The following MTX2 variants were observed in gnomAD, a reference collection of about 807,000 sequenced individuals.
MTX2 encodes metaxin-2.
MTX2 carries 35 observed loss-of-function variants against 42.3 expected under a neutral mutation model. That is an observed-to-expected ratio of 0.83 (90% CI 0.63 to 1.10). The LOEUF is 1.10. MTX2 is among the 50% of genes least tolerant of loss of function. MTX2 has a pLI of 0.00. For synonymous variants in MTX2, 119 were observed against 100.9 expected (o/e 1.18, Z -1.08); for missense variants, 307 against 304.1 (o/e 1.01, Z -0.07).
chr2:176,320,720 G>C (rs1303654358), intron 3 of MTX2, among the ~76,000 whole-genome samples: 1 of 149,302 alleles, frequency 6.7e-6, no homozygotes, highest in African/African-American at 2.5e-5. Flanking sequence ...TTTGAGACAG[G>C]GTCTTGTTGT....
chr2:176,312,863 CAAAAAAA>C (rs557475003), intron 3 of MTX2, among the ~76,000 whole-genome samples: 5 of 56,030 alleles, frequency 8.9e-5, no homozygotes, highest in African/African-American at 1.7e-4. Context: ...AATGCCATCT[CAAAAAAA>C]AAAAAAAAAA....
At chr2:176,319,639 G>A (rs954506479) in intron 3 of MTX2, among the ~76,000 whole-genome samples, 3 of 151,690 alleles carry the variant, frequency 2.0e-5, no homozygotes, top group Non-Finnish European at 4.4e-5. Context: ...GCAGTGGTGC[G>A]ACCTCAGCTC....
chr2:176,271,920 G>A (rs559006256), intron 1 of MTX2, among the ~76,000 whole-genome samples: 17 of 152,282 alleles, frequency 1.1e-4, no homozygotes, highest in African/African-American at 4.1e-4. Context: ...CAAAGGAATT[G>A]AAATTGTCTA....
At chr2:176,334,161 T>G (rs915884978) in intron 9 of MTX2, among the ~76,000 whole-genome samples, 7 of 151,794 alleles carry the variant, frequency 4.6e-5, no homozygotes, top group African/African-American at 1.7e-4. Context: ...ACAAACCACT[T>G]CAGGGGTACT....
At chr2:176,299,010 A>G (rs1250003028) in intron 3 of MTX2, among the ~76,000 whole-genome samples, 1 of 152,072 alleles carries the variant, frequency 6.6e-6, no homozygotes, top group South Asian at 2.1e-4. Flanking sequence ...ACATAATACT[A>G]GTTTAGGAAG....
intron 1 of MTX2, among the ~76,000 whole-genome samples, chr2:176,279,470 A>T (rs1248131451): frequency 6.6e-6 from 1 of 152,158 alleles, no homozygotes; most frequent in African/African-American, 2.4e-5. Flanking sequence ...TTTATGTTAT[A>T]GAAAAATGTT....
intron 1 of MTX2, among the ~76,000 whole-genome samples, chr2:176,275,086 CAT>C (rs1692916798): frequency 6.6e-6 from 1 of 152,274 alleles, no homozygotes; most frequent in East Asian, 1.9e-4. Context: ...CTTACGTAAA[CAT>C]ATTTATGCAT....
intron 3 of MTX2, among the ~76,000 whole-genome samples, chr2:176,300,950 A>C (rs890791029): frequency 6.6e-6 from 1 of 152,160 alleles, no homozygotes; most frequent in African/African-American, 2.4e-5. Context: ...ACACGTATTC[A>C]ATGTTAGTAA....
rs1048250457 is a variant in MTX2 at position 176,269,742 on chromosome 2, G to A, written c.40+73G>A. ...GAGCCGCGTGGGGTACAGGGCTGGA[G>A]CTTTCCTCCAGCCTTGCGGCATTAT... On this transcript the variant is annotated intron_variant, in intron 1 of 9. Coordinates refer to ENST00000249442, the MANE Select transcript of MTX2 (RefSeq NM_006554.5). The A allele has an allele frequency of 5.3e-6, 8 of 1,497,472 alleles. No individual in the cohort carries two copies. In the East Asian group the frequency reaches 1.0e-4, roughly 19 times the overall value. The allele number at this position is 1,497,472 out of a possible 1,614,324, so 92.8% of individuals were successfully genotyped here. A position where few individuals can be genotyped will look rare whatever the true frequency, so the allele number is the denominator to read the frequency against.
chr2:176,297,058 G>C, intron 2 of MTX2, 151 bp downstream of exon 2: 1 of 820,046 alleles, frequency 1.2e-6, no homozygotes, highest in Non-Finnish European at 1.9e-6. Flanking sequence ...ACCTGAACTT[G>C]TATCTGCCAG....
At chr2:176,328,173 G>A (rs907171975) in intron 5 of MTX2, 120 bp from the exon 6 acceptor site, 3 of 476,920 alleles carry the variant, frequency 6.3e-6, no homozygotes, top group Non-Finnish European at 1.1e-5. Flanking sequence ...ATTTTTAGGG[G>A]GCATTTTGGA....
chr2:176,288,779 G>A (rs1274835092), intron 1 of MTX2, among the ~76,000 whole-genome samples: 1 of 151,802 alleles, frequency 6.6e-6, no homozygotes, highest in Non-Finnish European at 1.5e-5. Context: ...ACATTCATGT[G>A]GCAGAGGAGT....
chr2:176,318,697 A>T (rs1684503656), intron 3 of MTX2, among the ~76,000 whole-genome samples: 1 of 152,194 alleles, frequency 6.6e-6, no homozygotes, highest in African/African-American at 2.4e-5. Flanking sequence ...GCAGGTTTTT[A>T]AAAATAATGT....
intron 9 of MTX2, among the ~76,000 whole-genome samples, chr2:176,333,682 A>T (rs1684912999): frequency 6.6e-6 from 1 of 151,666 alleles, no homozygotes; most frequent in Non-Finnish European, 1.5e-5. Flanking sequence ...TGATGGACCA[A>T]ATATATGATG....
In MTX2 at chr2:176,328,923, C is replaced by A. The variant is rs762057238; in HGVS notation, c.417+11C>A. On this transcript the variant is annotated intron_variant, in intron 7 of 9. Coordinates refer to ENST00000249442, the MANE Select transcript of MTX2 (RefSeq NM_006554.5). ...GCTACAGTAGGGGAGGTGAGTGGTT[C>A]TGTAACATTTATCTTAATTAAAATT... The A allele has an allele frequency of 2.5e-6, 4 of 1,598,178 alleles. No homozygotes were observed. The highest frequency in any genetic ancestry group is 2.2e-5 in the South Asian group (2 of 90,024).
intron 1 of MTX2, among the ~76,000 whole-genome samples, chr2:176,281,678 C>T (rs932866654): frequency 1.3e-5 from 2 of 151,984 alleles, no homozygotes; most frequent in African/African-American, 2.4e-5. Context: ...TATACTTTGC[C>T]ACAATAACCA....
chr2:176,297,044 T>C (rs1428294308), intron 2 of MTX2, 137 bp downstream of exon 2: 1 of 960,254 alleles, frequency 1.0e-6, no homozygotes, highest in East Asian at 2.6e-5. Context: ...GTCTAGGAGG[T>C]TTTACCTGAA....
intron 4 of MTX2, 108 bp downstream of exon 4, chr2:176,323,572 C>G: frequency 9.9e-7 from 1 of 1,013,346 alleles, no homozygotes; most frequent in African/African-American, 1.6e-5. Flanking sequence ...TTTGTTTACC[C>G]TTTGAAGAAT....
intron 3 of MTX2, among the ~76,000 whole-genome samples, chr2:176,318,164 A>T (rs1684491159): frequency 6.6e-6 from 1 of 150,910 alleles, no homozygotes; most frequent in Non-Finnish European, 1.5e-5. Flanking sequence ...ATTTTAATAG[A>T]TTTTTTTTTA....
Sources: gnomAD v4.1 joint callset for allele counts (sites outside exome capture counted in the v4.1 genomes callset) on GRCh38, gnomAD v4.1.1 for gene constraint, MANE v1.5 for transcripts, NCBI Gene and HGNC (gene_info 2026-07-23, HGNC 2026-07-21) for gene names.